The following HSD17B2 variants were observed in gnomAD, a reference collection of about 807,000 sequenced individuals.
HSD17B2 encodes hydroxysteroid 17-beta dehydrogenase 2, also known as 17-beta-hydroxysteroid dehydrogenase type 2.
In HSD17B2, 32 loss-of-function variants were observed where a neutral mutation model predicts 26.9. The observed-to-expected ratio is 1.19, with a 90% CI of 0.90 to 1.60. The LOEUF is 1.60. Ranked by LOEUF, HSD17B2 falls within the 40% of genes most tolerant of loss-of-function variation. HSD17B2 has a pLI of 0.00. For synonymous variants in HSD17B2, 246 were observed against 186.7 expected (o/e 1.32, Z -2.59); for missense variants, 613 against 468.6 (o/e 1.31, Z -2.85).
chr16:82,097,057 T>A (rs1389883900), intron 4 of HSD17B2: 1 of 151,680 alleles, frequency 6.6e-6, no homozygotes, highest in African/African-American at 2.4e-5. Flanking sequence ...GGAGTGTAGC[T>A]CTGTTGCCCA....
intron 3 of HSD17B2, among the ~76,000 whole-genome samples, chr16:82,075,307 C>G (rs1476484641): frequency 1.3e-5 from 2 of 151,900 alleles, no homozygotes; most frequent in East Asian, 3.9e-4. Flanking sequence ...AAAGCAAGAG[C>G]AAACCAACCT....
intron 1 of HSD17B2, among the ~76,000 whole-genome samples, chr16:82,055,851 G>A (rs1046756245): frequency 1.3e-5 from 2 of 152,196 alleles, no homozygotes; most frequent in African/African-American, 4.8e-5. Context: ...GTGGCGAATT[G>A]GTTTCCTCTG....
At chr16:82,090,244 C>G (rs1904644969) in intron 3 of HSD17B2, 32 of 964,202 alleles carry the variant, frequency 3.3e-5, no homozygotes, top group Non-Finnish European at 3.9e-5. Flanking sequence ...GTATGTTGGT[C>G]AGGCTAGAAG....
intron 3 of HSD17B2, among the ~76,000 whole-genome samples, chr16:82,080,485 T>C (rs1275962997): frequency 6.6e-6 from 1 of 152,164 alleles, no homozygotes; most frequent in African/African-American, 2.4e-5. Context: ...AGGTGGCTTC[T>C]AGAAGCTGGA....
chr16:82,079,183 T>TA (rs1024082372), intron 3 of HSD17B2, among the ~76,000 whole-genome samples: 11 of 150,964 alleles, frequency 7.3e-5, no homozygotes, highest in Non-Finnish European at 8.9e-5. Context: ...TATTAAACAT[T>TA]AAAAAAAAAG....
chr16:82,059,673 T>A (rs570387440), intron 1 of HSD17B2, among the ~76,000 whole-genome samples: 1 of 152,112 alleles, frequency 6.6e-6, no homozygotes. Flanking sequence ...AACAAAAGAA[T>A]GAAGGTGAAG....
intron 4 of HSD17B2, 101 bp from the exon 5 acceptor site, chr16:82,097,974 G>T (rs1001204620): frequency 7.3e-6 from 8 of 1,091,724 alleles, no homozygotes; most frequent in Non-Finnish European, 1.0e-5. Context: ...ATAAATAAAC[G>T]TCATTTGCAA....
chr16:82,063,857 G>A (rs74029370), intron 1 of HSD17B2, among the ~76,000 whole-genome samples: 1 of 152,064 alleles, frequency 6.6e-6, no homozygotes, highest in Non-Finnish European at 1.5e-5. Flanking sequence ...TTAGGTTAAC[G>A]AACACTTTGT....
At chr16:82,091,081 A>G (rs1420327208) in intron 4 of HSD17B2, 42 bp downstream of exon 4, 1 of 1,605,834 alleles carries the variant, frequency 6.2e-7, no homozygotes, top group Non-Finnish European at 8.5e-7. Flanking sequence ...TCATCCTGGA[A>G]GGAACCCCGA....
chr16:82,094,983 G>A (rs1904797907), intron 4 of HSD17B2: 2 of 152,218 alleles, frequency 1.3e-5, no homozygotes, highest in African/African-American at 4.8e-5. Context: ...TTCATTGTGT[G>A]CAGCACCAAA....
At chr16:82,041,644 T>C (rs1270577376) in intron 1 of HSD17B2, among the ~76,000 whole-genome samples, 8 of 152,248 alleles carry the variant, frequency 5.3e-5, no homozygotes, top group Admixed American at 5.2e-4. Flanking sequence ...CCGACCATAC[T>C]TTCTTTCTTT....
At chr16:82,089,195 T>A (rs528902376) in intron 3 of HSD17B2, among the ~76,000 whole-genome samples, 4 of 152,290 alleles carry the variant, frequency 2.6e-5, no homozygotes, top group African/African-American at 9.6e-5. Context: ...TTTGTTGAAC[T>A]TTACATGAAG....
At chr16:82,044,918 G>C (rs972490482) in intron 1 of HSD17B2, among the ~76,000 whole-genome samples, 1 of 152,030 alleles carries the variant, frequency 6.6e-6, no homozygotes, top group Non-Finnish European at 1.5e-5. Context: ...AGGAGTTCGA[G>C]ACCAGCCTGG....
chr16:82,049,653 T>A (rs1157493437), intron 1 of HSD17B2, among the ~76,000 whole-genome samples: 1 of 152,230 alleles, frequency 6.6e-6, no homozygotes, highest in Non-Finnish European at 1.5e-5. Flanking sequence ...ATCAGGAGAC[T>A]GACATTCCCA....
At chr16:82,049,754 G>C (rs1468839579) in intron 1 of HSD17B2, among the ~76,000 whole-genome samples, 1 of 152,230 alleles carries the variant, frequency 6.6e-6, no homozygotes, top group Non-Finnish European at 1.5e-5. Context: ...TTTACAGATA[G>C]ACTTCAGCCA....
In HSD17B2 at chr16:82,035,384, C is replaced by G. The variant is rs765743755; in HGVS notation, c.-41C>G. 8.2e-6 allele frequency: 13 copies of G among 1,584,018 alleles called. No homozygotes were observed. Among genetic ancestry groups the G allele is most frequent in the Non-Finnish European group, 1.0e-5 (12 of 1,162,790 alleles). ...CCAGCCAGCCTTTGCCCGCTAGACT[C>G]ACTGGCCCTGAGCACTTGAAGGTGC... On this transcript the variant is annotated 5_prime_UTR_variant, in exon 1 of 5. It introduces an in-frame stop codon into an upstream open reading frame of the 5' UTR. Coordinates refer to ENST00000199936, the MANE Select transcript of HSD17B2 (RefSeq NM_002153.3).
intron 1 of HSD17B2, among the ~76,000 whole-genome samples, chr16:82,059,678 G>A (rs4497679): frequency 6.6e-6 from 1 of 151,972 alleles, no homozygotes; most frequent in African/African-American, 2.4e-5. Flanking sequence ...AAGAATGAAG[G>A]TGAAGACAGG....
chr16:82,081,734 G>T lies in HSD17B2; in HGVS notation c.665-9168G>T, dbSNP rs558325509. Reference sequence around the variant, plus strand: ...ATTACTATTTTTATTAATGGACACTGCCCCGCACTTCTTTATTTTTAAAAT... The same window carrying T: ...ATTACTATTTTTATTAATGGACACTTCCCCGCACTTCTTTATTTTTAAAAT... On this transcript the variant is annotated intron_variant, in intron 3 of 4. Transcript: ENST00000199936. Among the ~76,000 whole-genome samples the T allele has an allele frequency of 3.8e-4, 58 of 152,262 alleles. 1 individual carries two copies. The highest frequency in any genetic ancestry group is 1.4e-3 in the African/African-American group (57 of 41,542).
At chr16:82,087,890 C>G (rs761668832) in intron 3 of HSD17B2, among the ~76,000 whole-genome samples, 14 of 152,124 alleles carry the variant, frequency 9.2e-5, no homozygotes, top group Admixed American at 7.2e-4. Flanking sequence ...GACGACCCCA[C>G]TCTCAAGATA....
Sources: allele counts gnomAD v4.1 joint callset (sites outside exome capture counted in the v4.1 genomes callset), GRCh38; gene constraint gnomAD v4.1.1; transcripts MANE v1.5; gene names NCBI Gene and HGNC (gene_info 2026-07-23, HGNC 2026-07-21).